Variants in AGAP3 observed in about 807,000 individuals in gnomAD.
AGAP3 encodes the protein arf-GAP with GTPase, ANK repeat and PH domain-containing protein 3.
Under a neutral mutation model 96.9 loss-of-function variants are expected in AGAP3, and 24 were observed. That is an observed-to-expected ratio of 0.25 (90% CI 0.18 to 0.35). The LOEUF (loss-of-function observed/expected upper bound fraction) is 0.35, where lower values mean the gene tolerates loss of function less well. Ranked by LOEUF, AGAP3 falls within the 10% of genes least tolerant of loss-of-function variation. The pLI is 1.00. For missense variants in AGAP3, 876 were observed against 1,254.2 expected, an observed-to-expected ratio of 0.70 and a Z score of 4.55; for synonymous variants, 563 against 536.1, an observed-to-expected ratio of 1.05 and a Z score of -0.69.
intron 1 of AGAP3, among the ~76,000 whole-genome samples, chr7:151,097,192 T>G (rs1798638801): frequency 6.6e-6 from 1 of 152,180 alleles, no homozygotes; most frequent in African/African-American, 2.4e-5. Context: ...GTATAAGTTC[T>G]TATGTTGCTA....
At chr7:151,098,867 G>C (rs1171366392) in intron 1 of AGAP3, among the ~76,000 whole-genome samples, 1 of 150,482 alleles carries the variant, frequency 6.6e-6, no homozygotes, top group East Asian at 2.1e-4. Flanking sequence ...CCGAGTAGCT[G>C]GGATTACAGG....
At chr7:151,104,317 T>C (rs1235366539) in intron 1 of AGAP3, among the ~76,000 whole-genome samples, 1 of 152,154 alleles carries the variant, frequency 6.6e-6, no homozygotes, top group Admixed American at 6.5e-5. Context: ...TTATAACCAG[T>C]GACAAAACTA....
rs765128507 is a variant in AGAP3 at position 151,118,349 on chromosome 7, C to T, written c.841+5C>T. On this transcript the variant is annotated splice_donor_5th_base_variant and intron_variant, in intron 6 of 17. Transcript: ENST00000397238. The surrounding 1 kb of genome is among the most constrained non-coding windows in gnomAD (Gnocchi z 6.1). ...TGGAGCGTGTCTTCCAGGACGGTAA[C>T]TCGGGTGCCGGGTGGGAGTCACTGG... 2 of 1,608,074 alleles carry T rather than the reference C, an allele frequency of 1.2e-6. No individual in the cohort carries two copies. The highest frequency in any genetic ancestry group is 1.1e-5 in the South Asian group (1 of 90,754).
Position 151,118,200 on chromosome 7 carries a change from C to T in AGAP3, c.707-10C>T, listed in dbSNP as rs1041276833. The stretch of plus-strand genomic sequence containing the variant: ...AAGCTGAATGACTCCCGCCCTCCCA[C>T]CTCCAACAGATGCCATCAGCGCTGC... On this transcript the variant is annotated splice_polypyrimidine_tract_variant and intron_variant, in intron 5 of 17. Coordinates refer to ENST00000397238, the MANE Select transcript of AGAP3 (RefSeq NM_031946.7). The surrounding 1 kb of genome is among the most constrained non-coding windows in gnomAD (Gnocchi z 6.1). The T allele has an allele frequency of 6.2e-7, 1 of 1,603,004 alleles. No homozygotes were observed. Among genetic ancestry groups the T allele is most frequent in the Non-Finnish European group, 8.5e-7 (1 of 1,172,182 alleles).
chr7:151,134,743 G>C (rs1044082948), intron 11 of AGAP3, among the ~76,000 whole-genome samples, 175 bp downstream of exon 11: 6 of 152,252 alleles, frequency 3.9e-5, no homozygotes, highest in Non-Finnish European at 8.8e-5. Context: ...GGAGTTAGTT[G>C]AGGTGACAGC....
rs1388826766 is a variant in AGAP3, at chr7:151,108,735, G to A, written c.332-8058G>A. Among the ~76,000 whole-genome samples, 4 of 152,208 alleles carry A rather than the reference G, an allele frequency of 2.6e-5. No individual in the cohort carries two copies. The highest frequency in any genetic ancestry group is 6.5e-5 in the Admixed American group (1 of 15,286). On this transcript the variant is annotated intron_variant, in intron 1 of 17. Transcript: ENST00000397238. The surrounding 1 kb of genome is among the most constrained non-coding windows in gnomAD (Gnocchi z 4.2). ...GTGAAATGATGACTTAGAGGCCCAA[G>A]CTCCAGCCTGGGATTCTGGAGTCCT...
chr7:151,141,850 T>C lies in AGAP3; in HGVS notation c.1805-48T>C, dbSNP rs1162714360. ...AGTTGTGGCGATAGCATGCCCTGGGTGTGCACGCAGGCCAGGAGCCCTGAT... is the reference window on the plus strand; with the variant it reads ...AGTTGTGGCGATAGCATGCCCTGGGCGTGCACGCAGGCCAGGAGCCCTGAT... On this transcript the variant is annotated intron_variant, in intron 13 of 17. Transcript: ENST00000397238. The surrounding 1 kb of genome is among the most constrained non-coding windows in gnomAD (Gnocchi z 4.2). The C allele has an allele frequency of 6.2e-7, 1 of 1,612,040 alleles. No individual in the cohort carries two copies. Among genetic ancestry groups the C allele is most frequent in the East Asian group, 2.2e-5 (1 of 44,862 alleles).
chr7:151,132,597 A>G (rs553104483), intron 10 of AGAP3, among the ~76,000 whole-genome samples: 1 of 152,328 alleles, frequency 6.6e-6, no homozygotes. Context: ...AGGCGACTGC[A>G]GGCTCGGCGA....
chr7:151,093,428 A>G (rs1798476337), intron 1 of AGAP3, among the ~76,000 whole-genome samples: 1 of 152,222 alleles, frequency 6.6e-6, no homozygotes, highest in South Asian at 2.1e-4. Flanking sequence ...GGCATGAGCC[A>G]CCACGTCCGT....
rs1428495483 is a variant in AGAP3 at position 151,144,285 on chromosome 7, G to A, written c.*342G>A. 3.0e-6 allele frequency: 1 copy of A among 335,816 alleles called. No homozygotes were observed. Among genetic ancestry groups the A allele is most frequent in the Non-Finnish European group, 5.5e-6 (1 of 181,502 alleles). 20.8% of individuals were successfully genotyped at this position (335,816 alleles called of 1,614,324 possible). A position where few individuals can be genotyped will look rare whatever the true frequency, so the allele number is the denominator to read the frequency against. ...ACACGCCTTCATCCTGAAACAGGAA[G>A]AGGACGGCACCAAGTTGGGGGTGCT... On this transcript the variant is annotated 3_prime_UTR_variant, in exon 18 of 18. Transcript: ENST00000397238.
intron 1 of AGAP3, among the ~76,000 whole-genome samples, chr7:151,089,354 C>G (rs537740931): frequency 1.0e-3 from 157 of 152,272 alleles, no homozygotes; most frequent in African/African-American, 3.7e-3. Context: ...AGACCCAGCC[C>G]TCCACCCCCA....
At chr7:151,138,986 T>C (rs1469150030) in intron 12 of AGAP3, among the ~76,000 whole-genome samples, 3 of 152,214 alleles carry the variant, frequency 2.0e-5, no homozygotes, top group Non-Finnish European at 4.4e-5. Context: ...TCTTTCTCTC[T>C]CTGCTTTTCT....
chr7:151,093,220 T>C (rs1039361023), intron 1 of AGAP3, among the ~76,000 whole-genome samples: 7 of 152,208 alleles, frequency 4.6e-5, no homozygotes, highest in Admixed American at 4.6e-4. Flanking sequence ...TAGCTCACTG[T>C]AGCCTCAAAA....
intron 11 of AGAP3, among the ~76,000 whole-genome samples, chr7:151,135,247 T>C (rs1003575825): frequency 3.3e-5 from 5 of 152,190 alleles, no homozygotes; most frequent in Admixed American, 1.3e-4. Flanking sequence ...CCCGATTGCT[T>C]TCCCCCAAGA....
In AGAP3 at chr7:151,143,285, C is replaced by G; in HGVS notation, c.2274-56C>G. On this transcript the variant is annotated intron_variant, in intron 16 of 17. Transcript: ENST00000397238. The surrounding 1 kb of genome is among the most constrained non-coding windows in gnomAD (Gnocchi z 5.9). ...CCTTTCCTGCCCACCTTCCTGGCCC[C>G]ACCCGTTGCTCGGTGACCTTCCTTG... The G allele has an allele frequency of 1.3e-6, 2 of 1,553,034 alleles. No individual in the cohort carries two copies. Among genetic ancestry groups the G allele is most frequent in the Non-Finnish European group, 1.7e-6 (2 of 1,147,674 alleles).
chr7:151,119,901 C>A (rs1799787976), intron 7 of AGAP3, 86 bp from the exon 8 acceptor site: 2 of 1,374,016 alleles, frequency 1.5e-6, no homozygotes, highest in East Asian at 2.4e-5. Flanking sequence ...GCCAGGCCCC[C>A]ATTAGCACAG....
intron 8 of AGAP3, chr7:151,120,826 C>G: frequency 8.6e-7 from 1 of 1,159,632 alleles, no homozygotes. Flanking sequence ...TGTGCTGGCC[C>G]GGCTGAGGGT....
chr7:151,110,891 G>A (rs1469973035), intron 1 of AGAP3, among the ~76,000 whole-genome samples: 1 of 152,188 alleles, frequency 6.6e-6, no homozygotes, highest in African/African-American at 2.4e-5. Context: ...TGAAAATGGG[G>A]GATGCTGGAA....
intron 1 of AGAP3, among the ~76,000 whole-genome samples, chr7:151,110,261 GCCA>G (rs1476928444): frequency 1.3e-5 from 2 of 152,222 alleles, no homozygotes; most frequent in Non-Finnish European, 2.9e-5. Context: ...GGGAATCATG[GCCA>G]CCTTCATGTG....
Sources: allele counts gnomAD v4.1 joint callset (sites outside exome capture counted in the v4.1 genomes callset), GRCh38; gene constraint gnomAD v4.1.1; non-coding constraint Gnocchi (gnomAD v3.1); transcripts MANE v1.5; gene names NCBI Gene and HGNC (gene_info 2026-07-23, HGNC 2026-07-21).